Variants in LRFN5 observed in about 807,000 individuals in gnomAD.
The protein encoded by LRFN5 is leucine-rich repeat and fibronectin type-III domain-containing protein 5.
Under a neutral mutation model 45.6 loss-of-function variants are expected in LRFN5, and 24 were observed. That is an observed-to-expected ratio of 0.53 (90% CI 0.38 to 0.74). The LOEUF is 0.74. Among genes scored for constraint, LRFN5 ranks in the 30% least tolerant of loss-of-function variants. The pLI is 0.00. For missense variants in LRFN5, 776 were observed against 861.5 expected, an observed-to-expected ratio of 0.90 and a Z score of 1.24; for synonymous variants, 340 against 313.8, an observed-to-expected ratio of 1.08 and a Z score of -0.88.
chr14:41,856,676 T>TTGTTATTA (rs556475186), intron 2 of LRFN5, among the ~76,000 whole-genome samples: 1 of 6,986 alleles, frequency 1.4e-4, no homozygotes, highest in African/African-American at 2.2e-4. Flanking sequence ...ATTATTATTA[T>TTGTTATTA]TTTTTTTTTT....
Position 41,900,747 on chromosome 14 carries a change from C to T in LRFN5, c.2142+1787C>T, listed in dbSNP as rs533257750. Among the ~76,000 whole-genome samples, 24 of 152,114 alleles carry T rather than the reference C, an allele frequency of 1.6e-4. 1 individual carries two copies. The South Asian group carries it at 3.5e-3, about 22-fold the overall frequency. On this transcript the variant is annotated intron_variant, in intron 5 of 5. Coordinates refer to ENST00000298119, the MANE Select transcript of LRFN5 (RefSeq NM_152447.5). ...CCCCAAGGTAACTATTCTTGATTCTCGGTAAATGATTTGTGCTATAGCAGG... is the reference window on the plus strand; with the variant it reads ...CCCCAAGGTAACTATTCTTGATTCTTGGTAAATGATTTGTGCTATAGCAGG...
intron 2 of LRFN5, among the ~76,000 whole-genome samples, chr14:41,874,572 C>G (rs1890126019): frequency 6.6e-6 from 1 of 152,128 alleles, no homozygotes; most frequent in South Asian, 2.1e-4. Context: ...GTCCTTTCTC[C>G]TCTTCCTCAT....
At chr14:41,705,266 A>G (rs1427105137) in intron 1 of LRFN5, among the ~76,000 whole-genome samples, 2 of 152,168 alleles carry the variant, frequency 1.3e-5, no homozygotes, top group Admixed American at 6.6e-5. Flanking sequence ...CTTAGAGACA[A>G]CAAAGATACT....
At chr14:41,734,490 T>C (rs1018163992) in intron 1 of LRFN5, among the ~76,000 whole-genome samples, 1 of 151,088 alleles carries the variant, frequency 6.6e-6, no homozygotes, top group Non-Finnish European at 1.5e-5. Flanking sequence ...TGCTCTCTTT[T>C]GTTTCCATTT....
chr14:41,883,570 G>C (rs765950196), intron 2 of LRFN5, among the ~76,000 whole-genome samples: 4 of 152,070 alleles, frequency 2.6e-5, no homozygotes, highest in African/African-American at 9.7e-5. Context: ...GTATAATCCT[G>C]CCTAGGTTGC....
At chr14:41,798,401 C>A (rs961650258) in intron 2 of LRFN5, among the ~76,000 whole-genome samples, 1 of 151,870 alleles carries the variant, frequency 6.6e-6, no homozygotes, top group Non-Finnish European at 1.5e-5. Flanking sequence ...AATTTAAGAA[C>A]TTATGTTTGA....
chr14:41,880,595 CTATT>C (rs1890346012), intron 2 of LRFN5, among the ~76,000 whole-genome samples: 1 of 152,038 alleles, frequency 6.6e-6, no homozygotes, highest in African/African-American at 2.4e-5. Context: ...TGTGTATTCT[CTATT>C]TATTGAAGTT....
chr14:41,904,090 T>A (rs1891177138), intron 5 of LRFN5, 68 bp from the exon 6 acceptor site: 1 of 1,295,652 alleles, frequency 7.7e-7, no homozygotes, highest in African/African-American at 1.5e-5. Context: ...AATGATCTTA[T>A]TAGCTATGTG....
intron 1 of LRFN5, among the ~76,000 whole-genome samples, chr14:41,766,313 A>G (rs556001435): frequency 1.1e-4 from 17 of 152,296 alleles, no homozygotes; most frequent in Admixed American, 3.9e-4. Flanking sequence ...CTTCTGACAT[A>G]AAGTTAAAAA....
At chr14:41,650,896 A>AGAGGGAGAGAGGGAGG (rs1555351219) in intron 1 of LRFN5, among the ~76,000 whole-genome samples, 2 of 80,846 alleles carry the variant, frequency 2.5e-5, no homozygotes, top group Non-Finnish European at 2.4e-5. Flanking sequence ...AGAGAGAGAG[A>AGAGGGAGAGAGGGAGG]GAGGGAGGGA....
chr14:41,634,669 T>C (rs1888668593), intron 1 of LRFN5, among the ~76,000 whole-genome samples: 1 of 152,166 alleles, frequency 6.6e-6, no homozygotes, highest in South Asian at 2.1e-4. Context: ...AAACTGATTC[T>C]AAGACCTGTA....
At chr14:41,872,768 A>T (rs1890059961) in intron 2 of LRFN5, among the ~76,000 whole-genome samples, 2 of 152,202 alleles carry the variant, frequency 1.3e-5, no homozygotes, top group African/African-American at 4.8e-5. Context: ...TTACAAAACA[A>T]ACATTCTGGG....
intron 2 of LRFN5, among the ~76,000 whole-genome samples, chr14:41,779,955 T>A (rs887407077): frequency 2.7e-4 from 41 of 151,944 alleles, no homozygotes; most frequent in African/African-American, 8.7e-4. Flanking sequence ...ATTTTCTGCT[T>A]TAATTACTAT....
chr14:41,808,827 A>G (rs1293756804), intron 2 of LRFN5, among the ~76,000 whole-genome samples: 2 of 152,028 alleles, frequency 1.3e-5, no homozygotes, highest in African/African-American at 4.8e-5. Flanking sequence ...GTGTCAATTG[A>G]TTGCTTATTA....
chr14:41,624,351 T>G (rs2138565015), intron 1 of LRFN5, among the ~76,000 whole-genome samples: 1 of 152,252 alleles, frequency 6.6e-6, no homozygotes, highest in East Asian at 1.9e-4. Context: ...AACAATAGAT[T>G]GTTCATAATC....
chr14:41,712,623 G>T (rs2138750067), intron 1 of LRFN5, among the ~76,000 whole-genome samples: 1 of 152,172 alleles, frequency 6.6e-6, no homozygotes, highest in African/African-American at 2.4e-5. Context: ...ACAGGTTTAG[G>T]TATTCTACCA....
chr14:41,799,420 A>G (rs987559463), intron 2 of LRFN5, among the ~76,000 whole-genome samples: 2 of 151,956 alleles, frequency 1.3e-5, no homozygotes, highest in Middle Eastern at 3.2e-3. Context: ...CTTAACAACT[A>G]ATAGCACTGT....
rs541021218 is a variant in LRFN5 at position 41,723,886 on chromosome 14, C to A, written c.-196-42968C>A. ...CAAAGAATGACTGACTTTGTATACA[C>A]CTGGATTAAAAATTATGTCCTGTTC... On this transcript the variant is annotated intron_variant, in intron 1 of 5. Transcript: ENST00000298119. 4.6e-5 allele frequency among the ~76,000 whole-genome samples: 7 copies of A among 152,220 alleles called. No homozygotes were observed. The South Asian group carries it at 1.0e-3, about 23-fold the overall frequency.
chr14:41,621,987 C>T (rs1032920005), intron 1 of LRFN5, among the ~76,000 whole-genome samples: 2 of 152,008 alleles, frequency 1.3e-5, no homozygotes, highest in Non-Finnish European at 2.9e-5. Flanking sequence ...TAACAAAAAT[C>T]CTTAAATTGA....
Sources: gnomAD v4.1 joint callset for allele counts (sites outside exome capture counted in the v4.1 genomes callset) on GRCh38, gnomAD v4.1.1 for gene constraint, MANE v1.5 for transcripts, NCBI Gene and HGNC (gene_info 2026-07-23, HGNC 2026-07-21) for gene names.